The following KHDRBS2 variants were observed in gnomAD, a reference collection of about 807,000 sequenced individuals.
KHDRBS2 encodes KH RNA binding domain containing, signal transduction associated 2.
A neutral mutation model predicts 44.3 loss-of-function variants in KHDRBS2; 26 were observed. The ratio of observed to expected loss-of-function variants is 0.59; its 90% confidence interval spans 0.43 to 0.81. The LOEUF (loss-of-function observed/expected upper bound fraction) is 0.81, where lower values mean the gene tolerates loss of function less well. KHDRBS2 is among the 40% of genes least tolerant of loss of function. The pLI, the probability that KHDRBS2 is intolerant of heterozygous loss-of-function variation, is 0.00. For missense variants in KHDRBS2, 476 were observed against 433.1 expected (o/e 1.10, Z -0.88); for synonymous variants, 194 against 151.1 (o/e 1.28, Z -2.08).
chr6:62,059,743 A>G (rs1053347177), intron 2 of KHDRBS2, among the ~76,000 whole-genome samples: 12 of 151,824 alleles, frequency 7.9e-5, no homozygotes, highest in Non-Finnish European at 1.8e-4. Flanking sequence ...GTAATTTTCT[A>G]TACAGGGGTA....
At chr6:62,246,844 A>G (rs1177594132) in intron 1 of KHDRBS2, among the ~76,000 whole-genome samples, 1 of 152,088 alleles carries the variant, frequency 6.6e-6, no homozygotes, top group Non-Finnish European at 1.5e-5. Flanking sequence ...AAAAGAAACT[A>G]AAATTTAGCA....
chr6:61,744,165 A>G (rs1776555904), intron 6 of KHDRBS2, among the ~76,000 whole-genome samples: 1 of 152,088 alleles, frequency 6.6e-6, no homozygotes. Flanking sequence ...AAGCTAGTCT[A>G]TTATTGTGTC....
rs138846715 is a variant in KHDRBS2, at chr6:62,270,873, A to G, written c.91+14985T>C. Among the ~76,000 whole-genome samples, 3 of 152,224 alleles carry G rather than the reference A, an allele frequency of 2.0e-5. No homozygotes were observed. The East Asian group carries it at 5.8e-4, about 29-fold the overall frequency. ...TAGATGAGGAAAGAAAGGCTCAAAG[A>G]GATTTAGAAATTGGCCCACTGTCAC... On this transcript the variant is annotated intron_variant, in intron 1 of 8. Transcript: ENST00000281156.
intron 6 of KHDRBS2, among the ~76,000 whole-genome samples, chr6:61,836,759 A>ATG: frequency 6.6e-6 from 1 of 152,202 alleles, no homozygotes; most frequent in Admixed American, 6.6e-5. Flanking sequence ...GTAGAAATAT[A>ATG]CACACATACA....
chr6:61,863,226 A>G (rs1269578930), intron 6 of KHDRBS2, among the ~76,000 whole-genome samples: 1 of 148,498 alleles, frequency 6.7e-6, no homozygotes, highest in Non-Finnish European at 1.5e-5. Flanking sequence ...TTTTCAAAAA[A>G]CCAACTCCCA....
chr6:61,974,053 T>A (rs1771979538), intron 4 of KHDRBS2, among the ~76,000 whole-genome samples: 1 of 152,242 alleles, frequency 6.6e-6, no homozygotes, highest in Admixed American at 6.5e-5. Flanking sequence ...CAACACTTCA[T>A]AATTTCTAAT....
chr6:62,013,222 C>T (rs1040838537), intron 3 of KHDRBS2, among the ~76,000 whole-genome samples: 1 of 152,046 alleles, frequency 6.6e-6, no homozygotes, highest in Non-Finnish European at 1.5e-5. Flanking sequence ...TTCTAGATAG[C>T]AGTATGGAAA....
intron 1 of KHDRBS2, among the ~76,000 whole-genome samples, chr6:62,281,908 T>C (rs189361801): frequency 2.6e-5 from 4 of 152,278 alleles, no homozygotes; most frequent in African/African-American, 9.6e-5. Context: ...ATTGTCTTAA[T>C]TGAAGATCAA....
intron 6 of KHDRBS2, among the ~76,000 whole-genome samples, chr6:61,892,302 A>G (rs1208467339): frequency 2.6e-5 from 4 of 152,232 alleles, no homozygotes; most frequent in Admixed American, 6.5e-5. Context: ...GGAAGACTCA[A>G]TATCATGAAA....
chr6:61,996,196 G>T (rs745801120), intron 3 of KHDRBS2, among the ~76,000 whole-genome samples: 61 of 152,238 alleles, frequency 4.0e-4, no homozygotes, highest in Non-Finnish European at 5.4e-4. Flanking sequence ...GGGTATCTGT[G>T]ACTTGGAATG....
chr6:62,189,705 T>C (rs1045975027), intron 1 of KHDRBS2, among the ~76,000 whole-genome samples: 1 of 152,068 alleles, frequency 6.6e-6, no homozygotes. Flanking sequence ...ATTTGGAAGG[T>C]AGAGGTTTGC....
intron 6 of KHDRBS2, among the ~76,000 whole-genome samples, chr6:61,785,598 G>T (rs984967120): frequency 1.3e-5 from 2 of 151,918 alleles, no homozygotes; most frequent in African/African-American, 4.8e-5. Flanking sequence ...ACTGTCTATG[G>T]GATTGGATAG....
intron 7 of KHDRBS2, among the ~76,000 whole-genome samples, chr6:61,713,787 G>T (rs898842583): frequency 1.1e-4 from 16 of 151,706 alleles, no homozygotes; most frequent in Admixed American, 9.2e-4. Context: ...AATATAGACT[G>T]GGGAAAGAAC....
At chr6:61,649,470 G>T in the KHDRBS2 span, among the ~76,000 whole-genome samples, 75 of 152,210 alleles carry the variant, frequency 4.9e-4, 1 homozygote, top group South Asian at 0.015. Flanking sequence ...GGGCCAATAC[G>T]CAGAGGCCAT....
intron 4 of KHDRBS2, among the ~76,000 whole-genome samples, chr6:61,930,764 T>C (rs1321334187): frequency 2.6e-5 from 4 of 151,588 alleles, no homozygotes; most frequent in Non-Finnish European, 5.9e-5. Context: ...TGAAAATTAA[T>C]AAAGAGACTA....
chr6:62,070,788 C>T (rs922975113), intron 2 of KHDRBS2, among the ~76,000 whole-genome samples: 25 of 152,200 alleles, frequency 1.6e-4, no homozygotes, highest in African/African-American at 3.4e-4. Flanking sequence ...TGAATAGTCT[C>T]GCAATAAACA....
At chr6:62,250,640 CCAA>C (rs1190942010) in intron 1 of KHDRBS2, among the ~76,000 whole-genome samples, 1 of 151,860 alleles carries the variant, frequency 6.6e-6, no homozygotes, top group Non-Finnish European at 1.5e-5. Context: ...AGTTGGAAAA[CCAA>C]CATTTTTTTA....
intron 2 of KHDRBS2, among the ~76,000 whole-genome samples, chr6:62,071,676 C>T (rs563174109): frequency 3.9e-5 from 6 of 152,218 alleles, no homozygotes; most frequent in Non-Finnish European, 7.4e-5. Context: ...TTTCTGAGAG[C>T]TCTGTTCTGT....
intron 4 of KHDRBS2, among the ~76,000 whole-genome samples, chr6:61,915,669 G>T (rs1366693001): frequency 1.3e-5 from 2 of 151,974 alleles, no homozygotes; most frequent in Non-Finnish European, 1.5e-5. Context: ...GAGGGAAACA[G>T]AAAAGAATAT....
Sources: gnomAD v4.1 joint callset for allele counts (sites outside exome capture counted in the v4.1 genomes callset) on GRCh38, gnomAD v4.1.1 for gene constraint, MANE v1.5 for transcripts, NCBI Gene and HGNC (gene_info 2026-07-23, HGNC 2026-07-21) for gene names.